The following ZNF813 variants were observed in gnomAD, a reference collection of about 807,000 sequenced individuals.
ZNF813 encodes the protein zinc finger protein 813.
ZNF813 carries 3 observed loss-of-function variants against 7.2 expected under a neutral mutation model. The observed-to-expected ratio is 0.42, with a 90% CI of 0.19 to 1.08. ZNF813 has a LOEUF of 1.08. Ranked by LOEUF, ZNF813 falls within the 50% of genes least tolerant of loss-of-function variation. The pLI is 0.30. For missense variants in ZNF813, 714 were observed against 753.3 expected, an observed-to-expected ratio of 0.95 and a Z score of 0.61; for synonymous variants, 227 against 256.3, an observed-to-expected ratio of 0.89 and a Z score of 1.09.
At chr19:53,481,341 A>ATTTT (rs1180229389) in intron 1 of ZNF813, among the ~76,000 whole-genome samples, 1 of 89,206 alleles carries the variant, frequency 1.1e-5, no homozygotes, top group Non-Finnish European at 2.0e-5. Flanking sequence ...GCACCCATGT[A>ATTTT]TTCTTTTTTT....
Position 53,491,422 on chromosome 19 carries a change from C to T in ZNF813, c.1190C>T (p.Thr397Ile). The T allele has an allele frequency of 6.2e-7, 1 of 1,613,472 alleles. No homozygotes were observed. Among genetic ancestry groups the T allele is most frequent in the Non-Finnish European group, 8.5e-7 (1 of 1,179,850 alleles). The change falls in exon 4 of 4, where the codon ACC becomes ATC. Residue 397 changes from threonine to isoleucine, a missense_variant. This residue lies in a region of ZNF813 where 563 missense variants were observed against 554.2 expected (regional missense o/e 1.02). Coordinates refer to ENST00000396403, the MANE Select transcript of ZNF813 (RefSeq NM_001004301.4). ...ECGKTFSQELTLKCHRRLHTG... is the reference protein window; with the variant it reads ...ECGKTFSQELILKCHRRLHTG... ...GGCAAGACCTTCAGTCAGGAGTTAA[C>T]CCTTAAATGCCATCGTAGACTTCAT...
intron 1 of ZNF813, among the ~76,000 whole-genome samples, chr19:53,473,579 C>G (rs1349831083): frequency 6.6e-6 from 1 of 152,128 alleles, no homozygotes; most frequent in East Asian, 1.9e-4. Flanking sequence ...TGGGAGTGGA[C>G]AAGATTACAA....
At chr19:53,482,714 T>G (rs1305239886) in intron 1 of ZNF813, among the ~76,000 whole-genome samples, 13 of 18,974 alleles carry the variant, frequency 6.9e-4, no homozygotes, top group South Asian at 3.9e-3. Context: ...TGCTTTTTGT[T>G]TTTTTTTTTT....
In ZNF813 at chr19:53,493,435, CTATTTCTT is replaced by C. The variant is rs2086472977; in HGVS notation, c.*1352_*1359del. ...ACTTCTCACCTTTTTACTTTTATTT[CTATTTCTT>C]TAAGTTCTCTAGCAAATGGAAGTGT... On this transcript the variant is annotated 3_prime_UTR_variant, in exon 4 of 4. Coordinates refer to ENST00000396403, the MANE Select transcript of ZNF813 (RefSeq NM_001004301.4). 1 of 111,426 alleles carries C rather than the reference CTATTTCTT, an allele frequency of 9.0e-6. No homozygotes were observed. Among genetic ancestry groups the C allele is most frequent in the Non-Finnish European group, 1.8e-5 (1 of 54,682 alleles). The allele number at this position is 111,426 out of a possible 1,614,324, so 6.9% of individuals were successfully genotyped here. A position where few individuals can be genotyped will look rare whatever the true frequency, so the allele number is the denominator to read the frequency against.
At chr19:53,485,627 T>C (rs920441538) in intron 2 of ZNF813, among the ~76,000 whole-genome samples, 1 of 152,100 alleles carries the variant, frequency 6.6e-6, no homozygotes, top group South Asian at 2.1e-4. Flanking sequence ...TACATGCATG[T>C]CGTGATATAT....
At chr19:53,489,700 G>A (rs185361477) in intron 3 of ZNF813, among the ~76,000 whole-genome samples, 55 of 152,212 alleles carry the variant, frequency 3.6e-4, no homozygotes, top group African/African-American at 1.3e-3. Flanking sequence ...GAAAAATATT[G>A]TATTAACTTT....
intron 3 of ZNF813, among the ~76,000 whole-genome samples, chr19:53,488,655 G>A (rs528508665): frequency 3.3e-5 from 5 of 149,912 alleles, no homozygotes; most frequent in South Asian, 2.1e-4. Flanking sequence ...ATCTGACCTC[G>A]TGATCCTCCT....
rs2086467245 is a variant in ZNF813 at position 53,492,186 on chromosome 19, T to G, written c.*100T>G. 1 of 1,497,650 alleles carries G rather than the reference T, an allele frequency of 6.7e-7. No homozygotes were observed. The highest frequency in any genetic ancestry group is 2.2e-5 in the Admixed American group (1 of 45,284). The allele number at this position is 1,497,650 out of a possible 1,614,324, so 92.8% of individuals were successfully genotyped here. ...GTCACAATTCAGTCCTTGTAATTCA[T>G]AAGAATTCATACTGGAGAGAAACAA... On this transcript the variant is annotated 3_prime_UTR_variant, in exon 4 of 4. Coordinates refer to ENST00000396403, the MANE Select transcript of ZNF813 (RefSeq NM_001004301.4).
intron 1 of ZNF813, among the ~76,000 whole-genome samples, chr19:53,480,930 G>A (rs1600111230): frequency 6.6e-6 from 1 of 152,128 alleles, no homozygotes; most frequent in Non-Finnish European, 1.5e-5. Flanking sequence ...GGGTCCAGGG[G>A]GCCAATGCTA....
intron 1 of ZNF813, among the ~76,000 whole-genome samples, chr19:53,482,764 C>T (rs960089203): frequency 7.3e-6 from 1 of 136,710 alleles, no homozygotes; most frequent in Non-Finnish European, 1.5e-5. Flanking sequence ...CACTCTATTG[C>T]CCAGGCTGTG....
chr19:53,486,997 T>G (rs1327719189), intron 3 of ZNF813, among the ~76,000 whole-genome samples: 1 of 151,334 alleles, frequency 6.6e-6, no homozygotes, highest in East Asian at 1.9e-4. Flanking sequence ...TTTTTTTTTT[T>G]TTTTTTTAGA....
rs138833814 is a variant in ZNF813, at chr19:53,478,224, G to A, written c.-73-5526G>A. On this transcript the variant is annotated intron_variant, in intron 1 of 3. Transcript: ENST00000396403. ...GCCTGGCTCTATCACCCAGGATGGA[G>A]TGCAGCATGATCTCTTCTAACTGCA... Among the ~76,000 whole-genome samples the A allele has an allele frequency of 3.7e-3, 570 of 152,200 alleles. 5 individuals are homozygous for A. Among genetic ancestry groups the A allele is most frequent in the African/African-American group, 0.013 (539 of 41,506 alleles).
rs562142525 is a variant in ZNF813 at position 53,474,783 on chromosome 19, T to C, written c.-74+6994T>C. ...GAGTTTGCTTCACAAACTTAGGAGC[T>C]AACATCTTTGGAATGGCTAGTCTCC... is the stretch of plus-strand genomic sequence containing the variant. On this transcript the variant is annotated intron_variant, in intron 1 of 3. Transcript: ENST00000396403. Among the ~76,000 whole-genome samples, 26 of 152,306 alleles carry C rather than the reference T, an allele frequency of 1.7e-4. 2 individuals are homozygous for C. The highest frequency in any genetic ancestry group is 6.0e-4 in the African/African-American group (25 of 41,578).
chr19:53,492,494 G>T lies in ZNF813; in HGVS notation c.*408G>T. The T allele has an allele frequency of 4.6e-6, 2 of 436,446 alleles. No homozygotes were observed. Among genetic ancestry groups the T allele is most frequent in the East Asian group, 5.9e-5 (1 of 16,982 alleles). The allele number at this position is 436,446 out of a possible 1,614,324, so 27.0% of individuals were successfully genotyped here. A position where few individuals can be genotyped will look rare whatever the true frequency, so the allele number is the denominator to read the frequency against. On this transcript the variant is annotated 3_prime_UTR_variant, in exon 4 of 4. Coordinates refer to ENST00000396403, the MANE Select transcript of ZNF813 (RefSeq NM_001004301.4). Reference sequence around the variant, plus strand: ...AGTTCGTGACAAGGCTTTCGGGCATGACTCACACCTGGCACAACATCCTAG... The same window carrying T: ...AGTTCGTGACAAGGCTTTCGGGCATTACTCACACCTGGCACAACATCCTAG...
chr19:53,484,017 A>G (rs1228686934), intron 2 of ZNF813, among the ~76,000 whole-genome samples, 180 bp downstream of exon 2: 2 of 151,972 alleles, frequency 1.3e-5, no homozygotes, highest in African/African-American at 2.4e-5. Context: ...ACCGAGTGAC[A>G]TGAACTTGGG....
chr19:53,491,023 G>T lies in ZNF813; in HGVS notation c.791G>T (p.Cys264Phe), dbSNP rs1170351581. ...RKRNLVCHRR[C>F]HTGEKPYRCN... ...CGAAACCTAGTGTGCCATCGTAGAT[G>T]TCACACTGGGGAGAAACCTTACAGG... The change falls in exon 4 of 4, where the codon TGT (cysteine) becomes TTT (phenylalanine). Residue 264 changes from cysteine to phenylalanine, a missense_variant. Around this residue, in one of 3 missense-constraint regions of ZNF813, gnomAD observed 563 missense variants for 554.2 expected, o/e 1.02. Transcript: ENST00000396403. 6.2e-7 allele frequency: 1 copy of T among 1,614,162 alleles called. No homozygotes were observed. The highest frequency in any genetic ancestry group is 2.2e-5 in the East Asian group (1 of 44,882).
At chr19:53,480,900 A>G (rs1463273037) in intron 1 of ZNF813, among the ~76,000 whole-genome samples, 1 of 151,234 alleles carries the variant, frequency 6.6e-6, no homozygotes, top group Non-Finnish European at 1.5e-5. Flanking sequence ...GAGAAAAGAC[A>G]AGTTAAGAAT....
chr19:53,491,924 A>T lies in ZNF813; in HGVS notation c.1692A>T (p.Ala564=), dbSNP rs769396862. The T allele has an allele frequency of 1.3e-5, 21 of 1,610,706 alleles. No homozygotes were observed. In the East Asian group the frequency reaches 4.7e-4, roughly 36 times the overall value. The change falls in exon 4 of 4, where the codon GCA becomes GCT. Residue 564 remains alanine (A), a synonymous_variant. Coordinates refer to ENST00000396403, the MANE Select transcript of ZNF813 (RefSeq NM_001004301.4). ...NECGKVFNQK[A]HLARHHRLHT... is the part of the protein sequence containing the mutation. Reference sequence around the variant, plus strand: ...GTGGCAAGGTTTTTAATCAAAAAGCACACCTTGCACGTCACCATAGACTTC... The same window carrying T: ...GTGGCAAGGTTTTTAATCAAAAAGCTCACCTTGCACGTCACCATAGACTTC...
chr19:53,470,907 T>A (rs2086355442), intron 1 of ZNF813, among the ~76,000 whole-genome samples: 1 of 152,074 alleles, frequency 6.6e-6, no homozygotes, highest in Admixed American at 6.5e-5. Context: ...GTAAGTCTAA[T>A]GCATTTGCTG....
Sources: allele counts gnomAD v4.1 joint callset (sites outside exome capture counted in the v4.1 genomes callset), GRCh38; gene constraint gnomAD v4.1.1; regional missense constraint gnomAD v4.1.1; transcripts MANE v1.5; gene names NCBI Gene and HGNC (gene_info 2026-07-23, HGNC 2026-07-21).